The following TEAD1 variants were observed in gnomAD, a reference collection of about 807,000 sequenced individuals.
TEAD1 encodes transcriptional enhancer factor TEF-1.
In TEAD1, 9 loss-of-function variants were observed where a neutral mutation model predicts 54.9. The ratio of observed to expected loss-of-function variants is 0.16; its 90% CI spans 0.10 to 0.29. TEAD1 has a LOEUF of 0.29. Among genes scored for constraint, TEAD1 ranks in the 10% least tolerant of loss-of-function variants. TEAD1 has a pLI of 1.00. For synonymous variants in TEAD1, 200 were observed against 187.8 expected, an observed-to-expected ratio of 1.07 and a Z score of -0.53; for missense variants, 387 against 535.9, an observed-to-expected ratio of 0.72 and a Z score of 2.74.
At chr11:12,884,009 A>AT (rs1491492401) in intron 9 of TEAD1, among the ~76,000 whole-genome samples, 1,685 of 148,504 alleles carry the variant, frequency 0.011, 15 homozygotes, top group African/African-American at 0.025. Flanking sequence ...AAAAAAAAAA[A>AT]GAAGAAGTAA....
intron 3 of TEAD1, among the ~76,000 whole-genome samples, chr11:12,799,196 G>C (rs1946000341): frequency 6.6e-6 from 1 of 152,192 alleles, no homozygotes; most frequent in South Asian, 2.1e-4. Context: ...GTTTATCTCA[G>C]TGTTTTACAA....
chr11:12,793,622 CAA>C, intron 3 of TEAD1, among the ~76,000 whole-genome samples: 1 of 152,150 alleles, frequency 6.6e-6, no homozygotes, highest in East Asian at 1.9e-4. Flanking sequence ...GCAGATACCT[CAA>C]GTTTGGCATT....
intron 3 of TEAD1, among the ~76,000 whole-genome samples, chr11:12,787,170 C>T (rs1358083721): frequency 2.0e-5 from 3 of 152,140 alleles, no homozygotes; most frequent in South Asian, 2.1e-4. Context: ...CCAGGTCTCT[C>T]ACCGTATCCT....
At chr11:12,912,253 T>A (rs1327170044) in intron 10 of TEAD1, among the ~76,000 whole-genome samples, 1 of 152,152 alleles carries the variant, frequency 6.6e-6, no homozygotes, top group Non-Finnish European at 1.5e-5. Context: ...ATTTGCAGGC[T>A]CAGGGTCTGG....
chr11:12,922,448 G>C (rs1276440447), intron 10 of TEAD1: 2 of 151,526 alleles, frequency 1.3e-5, no homozygotes, highest in African/African-American at 4.9e-5. Flanking sequence ...CGCCCGCCTC[G>C]GCCTCCCAAA....
intron 3 of TEAD1, among the ~76,000 whole-genome samples, chr11:12,769,103 C>T (rs556379701): frequency 6.6e-6 from 1 of 152,212 alleles, no homozygotes; most frequent in South Asian, 2.1e-4. Flanking sequence ...TATTGACTTT[C>T]TCCTTTTGCA....
chr11:12,841,717 T>C (rs2134035224), intron 3 of TEAD1, among the ~76,000 whole-genome samples: 1 of 152,284 alleles, frequency 6.6e-6, no homozygotes, highest in East Asian at 1.9e-4. Context: ...CACTAGTGCT[T>C]TCTGGTGTTC....
intron 5 of TEAD1, among the ~76,000 whole-genome samples, chr11:12,878,038 C>T (rs1283803327): frequency 6.6e-6 from 1 of 151,886 alleles, no homozygotes; most frequent in East Asian, 1.9e-4. Flanking sequence ...AACTCCTGGG[C>T]CCAAGTAATC....
At chr11:12,920,573 A>C (rs532244313) in intron 10 of TEAD1, among the ~76,000 whole-genome samples, 7 of 152,246 alleles carry the variant, frequency 4.6e-5, no homozygotes, top group African/African-American at 1.7e-4. Flanking sequence ...CCTGGGCTTA[A>C]GCGAGCCTCC....
chr11:12,751,514 T>A (rs1409903867), intron 2 of TEAD1, among the ~76,000 whole-genome samples: 1 of 152,132 alleles, frequency 6.6e-6, no homozygotes, highest in Non-Finnish European at 1.5e-5. Flanking sequence ...CAGGTATGTG[T>A]ACTTATTTGT....
chr11:12,715,593 T>C (rs1039715573), intron 2 of TEAD1, among the ~76,000 whole-genome samples: 5 of 152,098 alleles, frequency 3.3e-5, no homozygotes, highest in Non-Finnish European at 7.4e-5. Context: ...ACGGGGCTGC[T>C]GGAGACAGGC....
At chr11:12,813,938 G>A (rs1391880651) in intron 3 of TEAD1, among the ~76,000 whole-genome samples, 1 of 152,184 alleles carries the variant, frequency 6.6e-6, no homozygotes, top group African/African-American at 2.4e-5. Flanking sequence ...CTTGGACATG[G>A]TTGGGAGGTG....
At chr11:12,724,111 A>G (rs1944266469) in intron 2 of TEAD1, among the ~76,000 whole-genome samples, 1 of 152,120 alleles carries the variant, frequency 6.6e-6, no homozygotes, top group Non-Finnish European at 1.5e-5. Flanking sequence ...CTTCATGGTG[A>G]TGCCAAGCCC....
At chr11:12,809,630 G>A (rs1163663064) in intron 3 of TEAD1, among the ~76,000 whole-genome samples, 2 of 152,174 alleles carry the variant, frequency 1.3e-5, no homozygotes, top group Non-Finnish European at 2.9e-5. Flanking sequence ...TACCTCCCTG[G>A]TAGTGCCCTT....
intron 5 of TEAD1, among the ~76,000 whole-genome samples, chr11:12,870,260 C>T (rs927423225): frequency 6.6e-6 from 1 of 152,148 alleles, no homozygotes; most frequent in African/African-American, 2.4e-5. Context: ...GAATTTTTAG[C>T]AGCTTAAGAT....
At chr11:12,883,197 C>G (rs1426643533) in intron 9 of TEAD1, 72 bp downstream of exon 9, 10 of 1,608,336 alleles carry the variant, frequency 6.2e-6, no homozygotes, top group Non-Finnish European at 8.5e-7. Flanking sequence ...CCTTGCTTCT[C>G]TTTCTTTCCT....
intron 2 of TEAD1, among the ~76,000 whole-genome samples, chr11:12,706,191 A>C (rs996930145): frequency 6.6e-6 from 1 of 152,236 alleles, no homozygotes. Flanking sequence ...CTCACTGAAC[A>C]TTGAATTATA....
At chr11:12,789,351 T>A (rs1299164411) in intron 3 of TEAD1, among the ~76,000 whole-genome samples, 1 of 152,234 alleles carries the variant, frequency 6.6e-6, no homozygotes, top group Admixed American at 6.5e-5. Flanking sequence ...GCATTGCTTT[T>A]ATTATTTATT....
chr11:12,808,672 A>G (rs1946228603), intron 3 of TEAD1, among the ~76,000 whole-genome samples: 1 of 152,136 alleles, frequency 6.6e-6, no homozygotes, highest in Non-Finnish European at 1.5e-5. Flanking sequence ...GTCTTCTTTG[A>G]GACAGTAGGG....
Sources: allele counts gnomAD v4.1 joint callset (sites outside exome capture counted in the v4.1 genomes callset), GRCh38; gene constraint gnomAD v4.1.1; transcripts MANE v1.5; gene names NCBI Gene and HGNC (gene_info 2026-07-23, HGNC 2026-07-21).